TRIM13: variants seen among roughly 807,000 people sequenced by gnomAD.
The protein encoded by TRIM13 is tripartite motif containing 13, also known as E3 ubiquitin-protein ligase TRIM13.
A neutral mutation model predicts 27.1 loss-of-function variants in TRIM13; 15 were observed. The observed-to-expected ratio is 0.55, with a 90% CI of 0.37 to 0.85. TRIM13 has a LOEUF of 0.85. Ranked by LOEUF, TRIM13 falls within the 40% of genes least tolerant of loss-of-function variation. The pLI is 0.00. For synonymous variants in TRIM13, 193 were observed against 171.5 expected (o/e 1.13, Z -0.98); for missense variants, 402 against 472.2 (o/e 0.85, Z 1.38).
rs749883213 is a variant in TRIM13 at position 50,012,606 on chromosome 13, C to G, written c.666C>G (p.Leu222=). 3 of 1,614,132 alleles carry G rather than the reference C, an allele frequency of 1.9e-6. No individual in the cohort carries two copies. The highest frequency in any genetic ancestry group is 2.5e-6 in the Non-Finnish European group (3 of 1,180,008). The part of the protein sequence containing the change: ...MQAYDPEINK[L]NTILQEQRMA... ...CATATGACCCAGAGATCAACAAACT[C>G]AACACCATCTTGCAGGAGCAACGGA... is the stretch of plus-strand genomic sequence containing the variant. Residue 222 remains leucine, a synonymous_variant, in exon 2 of 2, where the codon CTC becomes CTG. Coordinates refer to ENST00000378182, the MANE Select transcript of TRIM13 (RefSeq NM_213590.3).
At chr13:50,004,607 A>G (rs1427084741) in intron 1 of TRIM13, among the ~76,000 whole-genome samples, 1 of 152,106 alleles carries the variant, frequency 6.6e-6, no homozygotes, top group East Asian at 1.9e-4. Context: ...TACTAAAAAC[A>G]CAAAAATTAG....
Position 50,016,773 on chromosome 13 carries a change from A to G in TRIM13, c.*3609A>G, listed in dbSNP as rs1283143162. ...TAAAATGTCTTAATGCTGTCCTACC[A>G]TTATTTTACCAACTGTGAAAGCTGG... On this transcript the variant is annotated 3_prime_UTR_variant, in exon 2 of 2. Transcript: ENST00000378182. 3 of 166,930 alleles carry G rather than the reference A, an allele frequency of 1.8e-5. No homozygotes were observed. Among genetic ancestry groups the G allele is most frequent in the African/African-American group, 4.8e-5 (2 of 41,416 alleles). The allele number at this position is 166,930 out of a possible 1,614,324, so 10.3% of individuals were successfully genotyped here.
rs1303426694 is a variant in TRIM13, at chr13:50,013,193, T to C, written c.*29T>C. The C allele has an allele frequency of 4.7e-6, 7 of 1,501,226 alleles. No individual in the cohort carries two copies. In the East Asian group the frequency reaches 1.6e-4, roughly 35 times the overall value. 93.0% of individuals were successfully genotyped at this position (1,501,226 alleles called of 1,614,324 possible). A position where few individuals can be genotyped will look rare whatever the true frequency, so the allele number is the denominator to read the frequency against. ...CTGTTTCAAGTATGCAGTTTTCTTT[T>C]GTTAGAAATTGTTAGAGAATAGAGA... On this transcript the variant is annotated 3_prime_UTR_variant, in exon 2 of 2. Transcript: ENST00000378182.
rs760914119 is a variant in TRIM13, at chr13:50,010,040, CTTTTTT to C, written c.-6-1877_-6-1872del. Reference sequence around the variant, plus strand: ...AAATAGCCTTTTCAGGTAATTTAATCTTTTTTTTTTTTTTTTTTTTTTTCCTGAGGC... The same window carrying C: ...AAATAGCCTTTTCAGGTAATTTAATCTTTTTTTTTTTTTTTTTCCTGAGGC... On this transcript the variant is annotated intron_variant, in intron 1 of 1. Coordinates refer to ENST00000378182, the MANE Select transcript of TRIM13 (RefSeq NM_213590.3). 6.1e-4 allele frequency among the ~76,000 whole-genome samples: 72 copies of C among 117,142 alleles called. 1 individual carries two copies. The highest frequency in any genetic ancestry group is 2.0e-3 in the African/African-American group (62 of 31,002). 76.8% of individuals were successfully genotyped at this position (117,142 alleles called of 152,430 possible). A position where few individuals can be genotyped will look rare whatever the true frequency, so the allele number is the denominator to read the frequency against.
chr13:50,015,086 AAAAAAAAAATAT>A lies in TRIM13; in HGVS notation c.*1924_*1935del, dbSNP rs1876239862. 1 of 56,800 alleles carries A rather than the reference AAAAAAAAAATAT, an allele frequency of 1.8e-5. No homozygotes were observed. The highest frequency in any genetic ancestry group is 8.1e-5 in the African/African-American group (1 of 12,348). 3.5% of individuals were successfully genotyped at this position (56,800 alleles called of 1,614,324 possible). A position where few individuals can be genotyped will look rare whatever the true frequency, so the allele number is the denominator to read the frequency against. The stretch of plus-strand genomic sequence containing the variant: ...TCCCCTCCCAGTAATAAAAAAAAAA[AAAAAAAAAATAT>A]ATATATATATATATATATATATATA... On this transcript the variant is annotated 3_prime_UTR_variant, in exon 2 of 2. Transcript: ENST00000378182.
At chr13:50,009,205 C>A (rs1343344234) in intron 1 of TRIM13, among the ~76,000 whole-genome samples, 1 of 152,058 alleles carries the variant, frequency 6.6e-6, no homozygotes, top group Non-Finnish European at 1.5e-5. Flanking sequence ...TTAAGAGAAG[C>A]ATGGCATTGC....
chr13:50,010,040 C>CTTTTTT (rs760914119), intron 1 of TRIM13, among the ~76,000 whole-genome samples: 2 of 117,142 alleles, frequency 1.7e-5, no homozygotes, highest in Non-Finnish European at 3.5e-5. Context: ...GTAATTTAAT[C>CTTTTTT]TTTTTTTTTT....
rs879170111 is a variant in TRIM13, at chr13:50,014,360, T to TATATATATATGTACAC, written c.*1197_*1198insTATATATATGTACACA. ...AAAAAAAAAAATATATATATATATATACACACACACACACACATATGTACA... is the reference window on the plus strand; with the variant it reads ...AAAAAAAAAAATATATATATATATATATATATATATGTACACACACACACACACACACATATGTACA... On this transcript the variant is annotated 3_prime_UTR_variant, in exon 2 of 2. Coordinates refer to ENST00000378182, the MANE Select transcript of TRIM13 (RefSeq NM_213590.3). The TATATATATATGTACAC allele has an allele frequency of 3.4e-5, 2 of 58,544 alleles. No individual in the cohort carries two copies. Among genetic ancestry groups the TATATATATATGTACAC allele is most frequent in the African/African-American group, 1.4e-4 (2 of 13,966 alleles). The allele number at this position is 58,544 out of a possible 1,614,324, so 3.6% of individuals were successfully genotyped here.
chr13:50,015,404 C>CA lies in TRIM13; in HGVS notation c.*2241dup. 1 of 947,460 alleles carries CA rather than the reference C, an allele frequency of 1.1e-6. No individual in the cohort carries two copies. The highest frequency in any genetic ancestry group is 1.6e-6 in the Non-Finnish European group (1 of 614,284). 58.7% of individuals were successfully genotyped at this position (947,460 alleles called of 1,614,324 possible). On this transcript the variant is annotated 3_prime_UTR_variant, in exon 2 of 2. Transcript: ENST00000378182. ...TGTTATTCTTCCCTCCCCTCCACTG[C>CA]ATAATCATGTATAACTAGCAACATT...
chr13:49,998,915 G>A (rs1873625076), intron 1 of TRIM13, among the ~76,000 whole-genome samples: 1 of 145,666 alleles, frequency 6.9e-6, no homozygotes, highest in South Asian at 2.2e-4. Flanking sequence ...GGGCAACAGA[G>A]CGAGACTCTA....
chr13:50,015,358 T>C lies in TRIM13; in HGVS notation c.*2194T>C, dbSNP rs1193543856. 1.7e-5 allele frequency: 12 copies of C among 698,728 alleles called. No homozygotes were observed. Among genetic ancestry groups the C allele is most frequent in the Admixed American group, 5.8e-5 (2 of 34,730 alleles). The allele number at this position is 698,728 out of a possible 1,614,324, so 43.3% of individuals were successfully genotyped here. A position where few individuals can be genotyped will look rare whatever the true frequency, so the allele number is the denominator to read the frequency against. On this transcript the variant is annotated 3_prime_UTR_variant, in exon 2 of 2. Coordinates refer to ENST00000378182, the MANE Select transcript of TRIM13 (RefSeq NM_213590.3). ...CACTATTTACCTTACAGTAGTTTCC[T>C]GGGAATCTAAGTCTGGTTTTTGTTA...
intron 1 of TRIM13, among the ~76,000 whole-genome samples, chr13:50,010,650 C>T (rs1875516579): frequency 6.6e-6 from 1 of 152,168 alleles, no homozygotes; most frequent in Non-Finnish European, 1.5e-5. Context: ...GGGAAGCTGT[C>T]AGGCTCATAA....
rs1875859883 is a variant in TRIM13 at position 50,013,037 on chromosome 13, A to G, written c.1097A>G (p.Glu366Gly). The G allele has an allele frequency of 3.7e-6, 6 of 1,613,870 alleles. No individual in the cohort carries two copies. The highest frequency in any genetic ancestry group is 3.3e-5 in the Admixed American group (2 of 59,982). The change falls in exon 2 of 2, where the codon GAA becomes GGA. Residue 366 changes from glutamate to glycine, a missense_variant. Physicochemically the swap from Glu to Gly is moderately conservative, Grantham distance 98 (BLOSUM62 -2). Coordinates refer to ENST00000378182, the MANE Select transcript of TRIM13 (RefSeq NM_213590.3). ...CTGACTAAAACAGCCGATTTCATAG[A>G]ACAATCAGTTTTTTACTGGGAACAG... ...SYLTKTADFI[E>G]QSVFYWEQVT...
chr13:49,997,974 A>G (rs745669007), intron 1 of TRIM13, among the ~76,000 whole-genome samples: 7 of 152,212 alleles, frequency 4.6e-5, no homozygotes, highest in Non-Finnish European at 1.0e-4. Context: ...TCTTAAATAT[A>G]GCCAAACATT....
At position 50,012,613 on chromosome 13, in the gene TRIM13, A is replaced by G. The variant is rs1875793398; in HGVS notation, c.673A>G (p.Ile225Val). 1.2e-6 allele frequency: 2 copies of G among 1,614,022 alleles called. No homozygotes were observed. Among genetic ancestry groups the G allele is most frequent in the Non-Finnish European group, 1.7e-6 (2 of 1,180,000 alleles). The stretch of plus-strand genomic sequence containing the variant: ...CCCAGAGATCAACAAACTCAACACC[A>G]TCTTGCAGGAGCAACGGATGGCCTT... ...YDPEINKLNT[I>V]LQEQRMAFNI... Residue 225 changes from isoleucine to valine, a missense_variant, in exon 2 of 2, where the codon ATC becomes GTC. By Grantham distance (29) the Ile-to-Val change is conservative. Coordinates refer to ENST00000378182, the MANE Select transcript of TRIM13 (RefSeq NM_213590.3).
rs545048922 is a variant in TRIM13 at position 50,014,478 on chromosome 13, T to G, written c.*1314T>G. ...CTTTTTTCTGGCAGCTATGTGTTGT[T>G]TTGTTCGAAAGATGGCAAGTGTACA... On this transcript the variant is annotated 3_prime_UTR_variant, in exon 2 of 2. Transcript: ENST00000378182. 1.2e-5 allele frequency: 2 copies of G among 166,120 alleles called. No homozygotes were observed. The highest frequency in any genetic ancestry group is 2.1e-4 in the South Asian group (1 of 4,770). The allele number at this position is 166,120 out of a possible 1,614,324, so 10.3% of individuals were successfully genotyped here.
Position 50,006,914 on chromosome 13 carries a change from C to G in TRIM13, c.-6-5021C>G, listed in dbSNP as rs535846417. On this transcript the variant is annotated intron_variant, in intron 1 of 1. Coordinates refer to ENST00000378182, the MANE Select transcript of TRIM13 (RefSeq NM_213590.3). ...ACCATAAACTGGCTGGGCGTGGTGG[C>G]TCACACCTGTAATCCCAGCACTCTG... Among the ~76,000 whole-genome samples the G allele has an allele frequency of 2.0e-4, 31 of 152,202 alleles. No homozygotes were observed. In the East Asian group the frequency reaches 5.4e-3, roughly 27 times the overall value.
intron 1 of TRIM13, among the ~76,000 whole-genome samples, chr13:50,010,182 G>A (rs1236479736): frequency 6.6e-6 from 1 of 151,560 alleles, no homozygotes; most frequent in Non-Finnish European, 1.5e-5. Flanking sequence ...CCGAGTAGTT[G>A]GGACTACAGG....
In TRIM13 at chr13:50,012,357, G is replaced by A; in HGVS notation, c.417G>A (p.Arg139=). The change falls in exon 2 of 2, where the codon AGG becomes AGA. Residue 139 remains arginine, a synonymous_variant. Coordinates refer to ENST00000378182, the MANE Select transcript of TRIM13 (RefSeq NM_213590.3). The part of the protein sequence containing the change: ...CSIEDAYAQE[R]DAFESLFQSF... The stretch of plus-strand genomic sequence containing the variant: ...TTGAAGATGCCTATGCTCAGGAAAG[G>A]GATGCCTTTGAGTCCCTCTTCCAGA... 6.2e-7 allele frequency: 1 copy of A among 1,614,134 alleles called. No individual in the cohort carries two copies. Among genetic ancestry groups the A allele is most frequent in the East Asian group, 2.2e-5 (1 of 44,866 alleles).
Sources: allele counts gnomAD v4.1 joint callset (sites outside exome capture counted in the v4.1 genomes callset), GRCh38; gene constraint gnomAD v4.1.1; transcripts MANE v1.5; gene names NCBI Gene and HGNC (gene_info 2026-07-23, HGNC 2026-07-21).